The following PRIM2 variants were observed in gnomAD, a reference collection of about 807,000 sequenced individuals.
PRIM2 encodes DNA primase large subunit.
Under a neutral mutation model 67.3 loss-of-function variants are expected in PRIM2, and 39 were observed. The observed-to-expected ratio is 0.58, with a 90% CI of 0.45 to 0.76. PRIM2 has a LOEUF of 0.76. Among genes scored for constraint, PRIM2 ranks in the 30% least tolerant of loss-of-function variants. PRIM2 has a pLI of 0.00. For synonymous variants in PRIM2, 143 were observed against 198.7 expected, an observed-to-expected ratio of 0.72 and a Z score of 2.36; for missense variants, 398 against 598.7, an observed-to-expected ratio of 0.66 and a Z score of 3.50.
In PRIM2 at chr6:57,606,422, C is replaced by G. The variant is rs1305701841; in HGVS notation, c.1195C>G (p.Gln399Glu). Reference sequence around the variant, plus strand: ...TCCAGAGCTGCTGAAGCAAAAGTTGCAGTCATACAAGATCTCTCCTGGAGG... The same window carrying G: ...TCCAGAGCTGCTGAAGCAAAAGTTGGAGTCATACAAGATCTCTCCTGGAGG... ...SDPELLKQKL[Q>E]SYKISPGGIS... The change falls in exon 12 of 14, where the codon CAG (glutamine) becomes GAG (glutamate). Residue 399 changes from glutamine (Q) to glutamate (E), a missense_variant. Physicochemically the swap from Gln to Glu is conservative, Grantham distance 29 (BLOSUM62 2). Transcript: ENST00000615550. The G allele has an allele frequency of 3.7e-3, 5,902 of 1,597,218 alleles. 205 individuals are homozygous for G. The African/African-American group carries it at 0.068, about 18-fold the overall frequency.
At chr6:57,337,420 C>G (rs1243563781) in intron 5 of PRIM2, among the ~76,000 whole-genome samples, 1 of 151,392 alleles carries the variant, frequency 6.6e-6, no homozygotes, top group East Asian at 1.9e-4. Flanking sequence ...TTTTTCAGCA[C>G]CACACCACAC....
chr6:57,408,087 T>C (rs2397286), intron 7 of PRIM2, among the ~76,000 whole-genome samples: 6,621 of 151,728 alleles, frequency 0.044, 64 homozygotes, highest in African/African-American at 0.1. Context: ...TCCTTTTTTT[T>C]CCCCACTTTG....
chr6:57,596,279 G>A (rs1216149661), intron 10 of PRIM2, among the ~76,000 whole-genome samples: 3 of 150,852 alleles, frequency 2.0e-5, no homozygotes, highest in African/African-American at 2.4e-5. Flanking sequence ...AACACTGCTC[G>A]GCAATAAAAA....
chr6:57,294,492 G>A, the PRIM2 span, among the ~76,000 whole-genome samples: 12 of 151,718 alleles, frequency 7.9e-5, no homozygotes, highest in Non-Finnish European at 1.6e-4. Flanking sequence ...AAAAAAATAA[G>A]AAAACCCAAA....
the PRIM2 span, chr6:57,221,801 A>C: frequency 6.6e-6 from 1 of 152,314 alleles, no homozygotes; most frequent in Non-Finnish European, 1.5e-5. Flanking sequence ...ATCGGTGCTC[A>C]GGGAGGGGAG....
intron 10 of PRIM2, among the ~76,000 whole-genome samples, chr6:57,581,914 A>C (rs1776090673): frequency 6.6e-6 from 1 of 152,206 alleles, no homozygotes; most frequent in Admixed American, 6.5e-5. Flanking sequence ...CAAGAGGCGC[A>C]TGAACTAGGC....
In PRIM2 at chr6:57,347,388, G is replaced by A. The variant is rs541894332; in HGVS notation, c.459+21343G>A. On this transcript the variant is annotated intron_variant, in intron 5 of 13. Coordinates refer to ENST00000615550, the MANE Select transcript of PRIM2 (RefSeq NM_000947.5). Reference sequence around the variant, plus strand: ...AGATTATCACTAATAGCTAACATTTGTAATGTGTTTGTTAAGTGCCAGGCA... The same window carrying A: ...AGATTATCACTAATAGCTAACATTTATAATGTGTTTGTTAAGTGCCAGGCA... Among the ~76,000 whole-genome samples, 4 of 152,302 alleles carry A rather than the reference G, an allele frequency of 2.6e-5. No individual in the cohort carries two copies. In the South Asian group the frequency reaches 6.2e-4, roughly 24 times the overall value.
the PRIM2 span, among the ~76,000 whole-genome samples, chr6:57,268,595 T>C: frequency 6.6e-6 from 1 of 152,118 alleles, no homozygotes; most frequent in African/African-American, 2.4e-5. Context: ...TATGTATATA[T>C]ATATGGCAAT....
the PRIM2 span, among the ~76,000 whole-genome samples, chr6:57,246,898 A>G: frequency 6.8e-6 from 1 of 147,700 alleles, no homozygotes; most frequent in African/African-American, 2.5e-5. Context: ...TCTGTCGCCC[A>G]GGCTAGAGTG....
intron 7 of PRIM2, among the ~76,000 whole-genome samples, chr6:57,471,531 G>A (rs1314777459): frequency 6.6e-6 from 1 of 152,144 alleles, no homozygotes; most frequent in Non-Finnish European, 1.5e-5. Context: ...GAGGAAGGAA[G>A]AAAGAAATGG....
At chr6:57,538,109 G>A (rs1775038196) in intron 10 of PRIM2, among the ~76,000 whole-genome samples, 1 of 151,918 alleles carries the variant, frequency 6.6e-6, no homozygotes, top group Non-Finnish European at 1.5e-5. Flanking sequence ...TCGACCTTTG[G>A]GCTCAAGTGA....
the PRIM2 span, among the ~76,000 whole-genome samples, chr6:57,308,249 A>T: frequency 4.0e-5 from 6 of 151,748 alleles, no homozygotes; most frequent in Admixed American, 1.3e-4. Flanking sequence ...CAGCCCCCAG[A>T]GTAGCTGGGA....
chr6:57,363,293 C>G (rs939327432), intron 5 of PRIM2, among the ~76,000 whole-genome samples: 1 of 152,048 alleles, frequency 6.6e-6, no homozygotes, highest in African/African-American at 2.4e-5. Context: ...AGAACCATGA[C>G]ACAATTATAT....
chr6:57,591,119 T>A (rs1776275304), intron 10 of PRIM2, among the ~76,000 whole-genome samples: 1 of 152,134 alleles, frequency 6.6e-6, no homozygotes, highest in Non-Finnish European at 1.5e-5. Flanking sequence ...AAGTTAAGAG[T>A]TAAAGGGAAG....
chr6:57,565,340 GCT>G (rs1199294922), intron 10 of PRIM2, among the ~76,000 whole-genome samples: 2 of 147,256 alleles, frequency 1.4e-5, no homozygotes, highest in Non-Finnish European at 3.0e-5. Flanking sequence ...GTCATATGCC[GCT>G]CTCTCTATAT....
chr6:57,302,254 A>AATATATAAAAGTTTG, the PRIM2 span, among the ~76,000 whole-genome samples: 1 of 152,188 alleles, frequency 6.6e-6, no homozygotes, highest in Non-Finnish European at 1.5e-5. Context: ...CATTTGAAAA[A>AATATATAAAAGTTTG]ATATATAAAA....
Position 57,440,329 on chromosome 6 carries a change from G to A in PRIM2, c.693+58161G>A, listed in dbSNP as rs143773111. Among the ~76,000 whole-genome samples the A allele has an allele frequency of 1.4e-3, 213 of 151,076 alleles. 5 individuals carry two copies. In the East Asian group the frequency reaches 0.016, roughly 11 times the overall value. On this transcript the variant is annotated intron_variant, in intron 7 of 13. Transcript: ENST00000615550. ...TTTCAAGACAGAGTCTTGCTCTGTC[G>A]CTTAGGCTGCAGTGTTATAGTGTGA...
At chr6:57,444,770 T>G (rs1441156266) in intron 7 of PRIM2, among the ~76,000 whole-genome samples, 1 of 152,142 alleles carries the variant, frequency 6.6e-6, no homozygotes, top group African/African-American at 2.4e-5. Context: ...CTAAAATTAA[T>G]ATTTCACAAT....
intron 5 of PRIM2, among the ~76,000 whole-genome samples, chr6:57,327,567 T>C (rs562066971): frequency 6.6e-6 from 1 of 152,348 alleles, no homozygotes; most frequent in South Asian, 2.1e-4. Flanking sequence ...CTAAGTCACA[T>C]CTACCTTTGC....
Sources: allele counts gnomAD v4.1 joint callset (sites outside exome capture counted in the v4.1 genomes callset), GRCh38; gene constraint gnomAD v4.1.1; transcripts MANE v1.5; gene names NCBI Gene and HGNC (gene_info 2026-07-23, HGNC 2026-07-21).